RBL1: variants seen among roughly 807,000 people sequenced by gnomAD.
RBL1 encodes the protein RB transcriptional corepressor like 1.
A neutral mutation model predicts 123.0 loss-of-function variants in RBL1; 82 were observed. The observed-to-expected ratio is 0.67, with a 90% CI of 0.56 to 0.80. The LOEUF (loss-of-function observed/expected upper bound fraction) is 0.80, where lower values mean the gene tolerates loss of function less well. Ranked by LOEUF, RBL1 falls within the 30% of genes least tolerant of loss-of-function variation. The pLI is 0.00. For missense variants in RBL1, 1,171 were observed against 1,299.6 expected (o/e 0.90, Z 1.52); for synonymous variants, 405 against 441.3 (o/e 0.92, Z 1.03).
chr20:37,089,034 C>A lies in RBL1; in HGVS notation c.245G>T (p.Gly82Val). ...IPTVGKGIME[G>V]NCVSLTRILR... is the part of the protein sequence containing the mutation. ...TATTCTGGTAAGTGAAACACAGTTG[C>A]CTTCCATGATACCCTTTCCAACCGT... Residue 82 changes from glycine to valine, a missense_variant, in exon 2 of 22, where the codon GGC becomes GTC. Transcript: ENST00000373664. The A allele has an allele frequency of 6.2e-7, 1 of 1,612,046 alleles. No homozygotes were observed. The highest frequency in any genetic ancestry group is 8.5e-7 in the Non-Finnish European group (1 of 1,178,904).
At chr20:36,999,240 T>C (rs1045079960) in intron 21 of RBL1, among the ~76,000 whole-genome samples, 8 of 151,862 alleles carry the variant, frequency 5.3e-5, no homozygotes, top group African/African-American at 1.7e-4. Context: ...ACCTGGTCTC[T>C]ACAAAAAATA....
chr20:37,036,394 C>T (rs1902397030), intron 14 of RBL1, among the ~76,000 whole-genome samples: 1 of 152,060 alleles, frequency 6.6e-6, no homozygotes, highest in Non-Finnish European at 1.5e-5. Context: ...TCTCCTGCCT[C>T]AGCCTCCCAA....
chr20:37,022,316 G>A (rs539478238), intron 17 of RBL1, among the ~76,000 whole-genome samples: 95 of 152,240 alleles, frequency 6.2e-4, no homozygotes, highest in South Asian at 2.1e-3. Context: ...AGCAATATGC[G>A]ATATGGTACA....
intron 2 of RBL1, among the ~76,000 whole-genome samples, chr20:37,087,838 ATTATT>A (rs1311375938): frequency 7.2e-5 from 11 of 152,264 alleles, no homozygotes; most frequent in African/African-American, 2.7e-4. Context: ...GTTAAATAAA[ATTATT>A]TTATCAGTGT....
intron 2 of RBL1, 65 bp downstream of exon 2, chr20:37,088,919 TCAAAA>T (rs1203023081): frequency 4.4e-6 from 5 of 1,125,940 alleles, no homozygotes; most frequent in Non-Finnish European, 4.8e-6. Flanking sequence ...TCAAATGATC[TCAAAA>T]CAAGAGAAAA....
At chr20:37,067,896 C>T in intron 3 of RBL1, 90 bp downstream of exon 3, 7 of 1,386,666 alleles carry the variant, frequency 5.0e-6, no homozygotes, top group Non-Finnish European at 6.8e-6. Context: ...TGCAGGAATA[C>T]TTTTCATAAA....
intron 7 of RBL1, among the ~76,000 whole-genome samples, chr20:37,064,931 C>CT (rs377383954): frequency 0.027 from 3,659 of 133,594 alleles, 51 homozygotes; most frequent in Non-Finnish European, 0.035. Flanking sequence ...CGGCCTCTTT[C>CT]TTTTTTTTTT....
intron 11 of RBL1, among the ~76,000 whole-genome samples, chr20:37,050,186 A>G (rs2146276293): frequency 6.6e-6 from 1 of 152,326 alleles, no homozygotes; most frequent in East Asian, 1.9e-4. Context: ...TGAAAGAGAA[A>G]TGAAAATATA....
chr20:37,014,289 C>A (rs577007432), intron 19 of RBL1, among the ~76,000 whole-genome samples: 22 of 152,100 alleles, frequency 1.4e-4, no homozygotes, highest in Non-Finnish European at 2.2e-4. Flanking sequence ...ATGTTACCCA[C>A]AATGGTCTTG....
At position 37,035,379 on chromosome 20, in the gene RBL1, C is replaced by T. The variant is rs148827202; in HGVS notation, c.2033G>A (p.Gly678Glu). The change falls in exon 15 of 22, where the codon GGA becomes GAA. Residue 678 changes from glycine (G) to glutamate (E), a missense_variant. Gly to Glu is a moderately conservative substitution (Grantham distance 98). Transcript: ENST00000373664. ...EMLMDKIITE[G>E]TKLKIAPSSS... Reference sequence around the variant, plus strand: ...AGAAGGAGCGATTTTCAATTTTGTTCCTTCTGTTATGATCTTGTCCATAAG... The same window carrying T: ...AGAAGGAGCGATTTTCAATTTTGTTTCTTCTGTTATGATCTTGTCCATAAG... 1.0e-4 allele frequency: 164 copies of T among 1,614,082 alleles called. 1 individual carries two copies. Among genetic ancestry groups the T allele is most frequent in the Middle Eastern group, 3.3e-4 (2 of 6,062 alleles).
intron 19 of RBL1, among the ~76,000 whole-genome samples, chr20:37,015,697 TG>T (rs1463055289): frequency 9.4e-5 from 14 of 148,302 alleles, no homozygotes; most frequent in South Asian, 2.1e-4. Flanking sequence ...CCCAAAGTGC[TG>T]GGATTACAGG....
At chr20:37,090,049 C>T (rs1322301672) in intron 1 of RBL1, among the ~76,000 whole-genome samples, 2 of 152,092 alleles carry the variant, frequency 1.3e-5, no homozygotes, top group Non-Finnish European at 2.9e-5. Context: ...GACACTCTGT[C>T]ACACACACAA....
At chr20:37,070,459 TTATCA>T (rs753174566) in intron 2 of RBL1, among the ~76,000 whole-genome samples, 4 of 151,300 alleles carry the variant, frequency 2.6e-5, no homozygotes, top group Non-Finnish European at 5.9e-5. Context: ...CACCCGAGAA[TTATCA>T]ATAAAAAATA....
At chr20:37,089,702 A>G (rs566838396) in intron 1 of RBL1, among the ~76,000 whole-genome samples, 2 of 152,132 alleles carry the variant, frequency 1.3e-5, no homozygotes, top group South Asian at 4.1e-4. Flanking sequence ...TACACTCCAA[A>G]TCTAATACAG....
At chr20:37,033,832 G>C (rs1291059833) in intron 15 of RBL1, among the ~76,000 whole-genome samples, 1 of 151,542 alleles carries the variant, frequency 6.6e-6, no homozygotes, top group Non-Finnish European at 1.5e-5. Context: ...GGCCAGGCTG[G>C]TCTCAAACTC....
At chr20:37,022,889 T>C (rs2064366248) in intron 16 of RBL1, 63 bp from the exon 17 acceptor site, 6 of 1,324,998 alleles carry the variant, frequency 4.5e-6, no homozygotes, top group Non-Finnish European at 6.3e-6. Context: ...AATTTTTATG[T>C]CTTACCAAGA....
chr20:37,034,899 C>T (rs1175477097), intron 15 of RBL1, among the ~76,000 whole-genome samples: 2 of 151,964 alleles, frequency 1.3e-5, no homozygotes, highest in African/African-American at 2.4e-5. Context: ...AAACTATTCA[C>T]CAAGAGTGAA....
intron 7 of RBL1, 54 bp downstream of exon 7, chr20:37,065,370 C>A: frequency 7.5e-7 from 1 of 1,329,646 alleles, no homozygotes; most frequent in Non-Finnish European, 1.0e-6. Context: ...TTCAACAAAT[C>A]AACAAATATG....
chr20:37,023,554 C>A (rs2064375839), intron 16 of RBL1, among the ~76,000 whole-genome samples: 1 of 151,256 alleles, frequency 6.6e-6, no homozygotes, highest in African/African-American at 2.4e-5. Context: ...GAAAGCAAAA[C>A]CATTTAAAAA....
Sources: gnomAD v4.1 joint callset for allele counts (sites outside exome capture counted in the v4.1 genomes callset) on GRCh38, gnomAD v4.1.1 for gene constraint, MANE v1.5 for transcripts, NCBI Gene and HGNC (gene_info 2026-07-23, HGNC 2026-07-21) for gene names.